The following TLE4 variants were observed in gnomAD, a reference collection of about 807,000 sequenced individuals.
The protein encoded by TLE4 is transducin-like enhancer protein 4.
In TLE4, 8 loss-of-function variants were observed where a neutral mutation model predicts 92.8. That is an observed-to-expected ratio of 0.09 (90% confidence interval 0.05 to 0.16). The LOEUF (loss-of-function observed/expected upper bound fraction) is 0.16, where lower values mean the gene tolerates loss of function less well. TLE4 is among the 10% of genes least tolerant of loss of function. The pLI is 1.00. For synonymous variants in TLE4, 371 were observed against 374.1 expected (o/e 0.99, Z 0.10); for missense variants, 675 against 997.6 (o/e 0.68, Z 4.36).
chr9:79,690,949 T>G (rs2066950244), intron 8 of TLE4, among the ~76,000 whole-genome samples: 1 of 152,160 alleles, frequency 6.6e-6, no homozygotes, highest in Non-Finnish European at 1.5e-5. Flanking sequence ...CCTGCCATTT[T>G]TACACTAAGA....
chr9:79,623,806 C>T (rs2051738351), intron 5 of TLE4, among the ~76,000 whole-genome samples: 1 of 151,132 alleles, frequency 6.6e-6, no homozygotes, highest in Non-Finnish European at 1.5e-5. Flanking sequence ...AGTTAGAGGT[C>T]CCCTCTCTTA....
At chr9:79,640,555 C>T (rs1012082267) in intron 6 of TLE4, among the ~76,000 whole-genome samples, 2 of 152,030 alleles carry the variant, frequency 1.3e-5, no homozygotes, top group African/African-American at 4.8e-5. Context: ...GTACAACTAT[C>T]TACCTAGTTA....
chr9:79,605,765 A>T (rs1370553629), intron 4 of TLE4, among the ~76,000 whole-genome samples: 1 of 152,122 alleles, frequency 6.6e-6, no homozygotes, highest in Non-Finnish European at 1.5e-5. Flanking sequence ...AATAAATGGG[A>T]CACTTGAGAA....
chr9:79,605,291 C>G (rs1321272437), intron 4 of TLE4, among the ~76,000 whole-genome samples: 1 of 152,102 alleles, frequency 6.6e-6, no homozygotes, highest in Admixed American at 6.6e-5. Context: ...TGCCTCTCCC[C>G]TCTGGTAGAA....
chr9:79,712,507 C>T (rs1363031764), intron 14 of TLE4, among the ~76,000 whole-genome samples: 1 of 152,164 alleles, frequency 6.6e-6, no homozygotes, highest in Admixed American at 6.5e-5. Flanking sequence ...CTAAAGTCTT[C>T]CTCCACCATA....
intron 4 of TLE4, among the ~76,000 whole-genome samples, chr9:79,598,496 A>G (rs2044670891): frequency 6.6e-6 from 1 of 152,016 alleles, no homozygotes; most frequent in South Asian, 2.1e-4. Context: ...TGTGTGTCAG[A>G]CTCATTTTAC....
intron 8 of TLE4, among the ~76,000 whole-genome samples, chr9:79,675,856 T>C (rs528363187): frequency 6.6e-6 from 1 of 152,308 alleles, no homozygotes; most frequent in Non-Finnish European, 1.5e-5. Flanking sequence ...TTTTGGTTTT[T>C]TTCAGATTTG....
At chr9:79,722,908 G>T in intron 18 of TLE4, 51 bp from the exon 19 acceptor site, 1 of 1,548,156 alleles carries the variant, frequency 6.5e-7, no homozygotes, top group Middle Eastern at 1.7e-4. Context: ...AAATCTTGGT[G>T]TCTGACAGAG....
chr9:79,649,212 A>G (rs1003376590), intron 6 of TLE4, among the ~76,000 whole-genome samples: 2 of 151,920 alleles, frequency 1.3e-5, no homozygotes, highest in Non-Finnish European at 2.9e-5. Context: ...GAGGCAGCAG[A>G]TTTACCTCAG....
chr9:79,617,003 A>T (rs1333163474), intron 5 of TLE4, among the ~76,000 whole-genome samples: 4 of 152,196 alleles, frequency 2.6e-5, no homozygotes, highest in African/African-American at 9.6e-5. Context: ...TGGCATAGGG[A>T]GTGCCGTTTC....
chr9:79,667,229 G>A (rs1268846533), intron 8 of TLE4, among the ~76,000 whole-genome samples: 1 of 152,138 alleles, frequency 6.6e-6, no homozygotes, highest in Non-Finnish European at 1.5e-5. Context: ...TGGGTACCCA[G>A]CTCATGGTGT....
At chr9:79,709,842 C>G (rs995958219) in intron 14 of TLE4, 143 bp downstream of exon 14, 23 of 622,380 alleles carry the variant, frequency 3.7e-5, no homozygotes, top group Non-Finnish European at 4.7e-5. Flanking sequence ...TTTTCATTTT[C>G]TCTTAGCACA....
intron 8 of TLE4, among the ~76,000 whole-genome samples, chr9:79,686,178 T>G (rs574269814): frequency 6.6e-6 from 1 of 152,304 alleles, no homozygotes; most frequent in South Asian, 2.1e-4. Flanking sequence ...GTGTGCCCTC[T>G]GATTTTGGTA....
At chr9:79,573,138 G>A in intron 1 of TLE4, 2 of 704,206 alleles carry the variant, frequency 2.8e-6, no homozygotes, top group South Asian at 5.6e-5. Context: ...GGTGGCGAGC[G>A]ATGAAGGAGG....
chr9:79,626,966 C>T (rs939531092), intron 5 of TLE4, among the ~76,000 whole-genome samples: 40 of 152,042 alleles, frequency 2.6e-4, no homozygotes, highest in Admixed American at 2.6e-3. Context: ...TAATTACTTC[C>T]AGGAAACAAT....
At chr9:79,581,112 T>G (rs1216925765) in intron 4 of TLE4, among the ~76,000 whole-genome samples, 1 of 152,178 alleles carries the variant, frequency 6.6e-6, no homozygotes, top group Non-Finnish European at 1.5e-5. Context: ...ATTGGTGGTG[T>G]TTTTTCCCCT....
chr9:79,657,579 G>GC (rs1012248134), intron 8 of TLE4, among the ~76,000 whole-genome samples: 2 of 152,106 alleles, frequency 1.3e-5, no homozygotes, highest in Non-Finnish European at 2.9e-5. Context: ...GGAGTCAGCT[G>GC]CCCAGACTGA....
chr9:79,577,910 T>C (rs1171203798), intron 4 of TLE4, among the ~76,000 whole-genome samples: 3 of 152,224 alleles, frequency 2.0e-5, no homozygotes, highest in African/African-American at 7.2e-5. Context: ...TATACTGCTA[T>C]AATTCTGTCA....
intron 8 of TLE4, among the ~76,000 whole-genome samples, chr9:79,679,026 G>A (rs1203197146): frequency 6.6e-6 from 1 of 151,780 alleles, no homozygotes; most frequent in African/African-American, 2.4e-5. Context: ...TATCATTGTT[G>A]GACATTTGGG....
Sources: allele counts gnomAD v4.1 joint callset (sites outside exome capture counted in the v4.1 genomes callset), GRCh38; gene constraint gnomAD v4.1.1; transcripts MANE v1.5; gene names NCBI Gene and HGNC (gene_info 2026-07-23, HGNC 2026-07-21).